The following PPP2R2C variants were observed in gnomAD, a reference collection of about 807,000 sequenced individuals.
PPP2R2C encodes the protein protein phosphatase 2, regulatory subunit B, gamma.
A neutral mutation model predicts 45.3 loss-of-function variants in PPP2R2C; 10 were observed. That is an observed-to-expected ratio of 0.22 (90% confidence interval 0.14 to 0.37). PPP2R2C has a LOEUF of 0.37. Ranked by LOEUF, PPP2R2C falls within the 10% of genes least tolerant of loss-of-function variation. The pLI, the probability that PPP2R2C is intolerant of heterozygous loss-of-function variation, is 1.00. For synonymous variants in PPP2R2C, 257 were observed against 245.4 expected (o/e 1.05, Z -0.44); for missense variants, 308 against 619.7 (o/e 0.50, Z 5.34).
Position 6,345,853 on chromosome 4 carries a change from G to A in PPP2R2C, c.790+1993C>T, listed in dbSNP as rs1007564620. On this transcript the variant is annotated intron_variant, in intron 6 of 8. Coordinates refer to ENST00000382599, the MANE Select transcript of PPP2R2C (RefSeq NM_020416.4). This position sits in a 1 kb window ranked among gnomAD's most constrained non-coding sequence, Gnocchi z 5.3. ...TCAGCTGGTCTCCAGCCTCCCATCAGTCCACGGCCACTAACTCCACACTTA... is the reference window on the plus strand; with the variant it reads ...TCAGCTGGTCTCCAGCCTCCCATCAATCCACGGCCACTAACTCCACACTTA... Among the ~76,000 whole-genome samples, 2 of 152,142 alleles carry A rather than the reference G, an allele frequency of 1.3e-5. No homozygotes were observed. Among genetic ancestry groups the A allele is most frequent in the Admixed American group, 1.3e-4 (2 of 15,280 alleles).
intron 1 of PPP2R2C, among the ~76,000 whole-genome samples, chr4:6,395,846 G>A (rs1047842423): frequency 5.9e-5 from 9 of 152,170 alleles, no homozygotes; most frequent in African/African-American, 2.2e-4. Context: ...CCCCCCAGCT[G>A]CAGGCCTTGT....
intron 1 of PPP2R2C, among the ~76,000 whole-genome samples, chr4:6,469,972 G>A (rs953913256): frequency 1.3e-5 from 2 of 152,258 alleles, no homozygotes; most frequent in Non-Finnish European, 2.9e-5. Context: ...TTCATCTCAA[G>A]GTGGGGATAA....
intron 1 of PPP2R2C, among the ~76,000 whole-genome samples, chr4:6,426,214 C>T (rs1719324176): frequency 6.6e-6 from 1 of 152,240 alleles, no homozygotes; most frequent in Non-Finnish European, 1.5e-5. Flanking sequence ...CCACAGCCTG[C>T]CTCCATCCTC....
chr4:6,526,594 T>G (rs921212668), intron 2 of PPP2R2C, among the ~76,000 whole-genome samples: 2 of 152,222 alleles, frequency 1.3e-5, no homozygotes, highest in Non-Finnish European at 2.9e-5. Context: ...GAGGGCACCC[T>G]GAGCGCAGTG....
At chr4:6,443,443 CT>C (rs1720257403) in intron 1 of PPP2R2C, among the ~76,000 whole-genome samples, 1 of 152,222 alleles carries the variant, frequency 6.6e-6, no homozygotes, top group South Asian at 2.1e-4. Context: ...GCAGAGGGAC[CT>C]GGGTGTCCTC....
At chr4:6,493,426 G>A (rs1437922196) in intron 2 of PPP2R2C, among the ~76,000 whole-genome samples, 1 of 151,664 alleles carries the variant, frequency 6.6e-6, no homozygotes, top group Non-Finnish European at 1.5e-5. Context: ...TCCCAAGCAG[G>A]CCACACAGGA....
At chr4:6,388,463 T>C (rs1716381338) in intron 1 of PPP2R2C, among the ~76,000 whole-genome samples, 1 of 152,154 alleles carries the variant, frequency 6.6e-6, no homozygotes, top group South Asian at 2.1e-4. Flanking sequence ...GATGATCAAG[T>C]TAAGGTGCGG....
At chr4:6,354,221 C>T (rs1712924520) in intron 5 of PPP2R2C, among the ~76,000 whole-genome samples, 1 of 151,698 alleles carries the variant, frequency 6.6e-6, no homozygotes, top group Non-Finnish European at 1.5e-5. Context: ...GCGTGTTGGC[C>T]TCTCCCACCC....
chr4:6,392,785 T>C (rs1716744598), intron 1 of PPP2R2C, among the ~76,000 whole-genome samples: 1 of 152,204 alleles, frequency 6.6e-6, no homozygotes, highest in Admixed American at 6.5e-5. Flanking sequence ...CCTTCTGTCT[T>C]TCTAGCATGG....
intron 6 of PPP2R2C, among the ~76,000 whole-genome samples, chr4:6,334,928 C>G (rs1732726441): frequency 6.6e-6 from 1 of 152,308 alleles, no homozygotes; most frequent in East Asian, 1.9e-4. Flanking sequence ...TCTGTCCCAG[C>G]CCCTTATCCC....
chr4:6,546,308 G>A (rs1724981764), intron 1 of PPP2R2C, among the ~76,000 whole-genome samples: 1 of 152,150 alleles, frequency 6.6e-6, no homozygotes. Context: ...CACCTGGGAG[G>A]GGGTGCACTG....
At chr4:6,386,212 T>C (rs980376776) in intron 1 of PPP2R2C, among the ~76,000 whole-genome samples, 2 of 152,182 alleles carry the variant, frequency 1.3e-5, no homozygotes, top group Admixed American at 1.3e-4. Flanking sequence ...ACAGCCGGCG[T>C]TGGCTTTCCT....
In PPP2R2C at chr4:6,531,427, C is replaced by T. The variant is rs144047454; in HGVS notation, c.49+3844G>A. ...CAAGTGTGCCCAAACCAAAAGGAAG[C>T]GCGTCCAGGAGAGGGCAGCTACAAC... On this transcript the variant is annotated intron_variant, in intron 2 of 9. Transcript: ENST00000506140. Among the ~76,000 whole-genome samples, 452 of 152,258 alleles carry T rather than the reference C, an allele frequency of 3.0e-3. 4 individuals are homozygous for T. Among genetic ancestry groups the T allele is most frequent in the Middle Eastern group, 0.017 (5 of 294 alleles).
intron 1 of PPP2R2C, among the ~76,000 whole-genome samples, chr4:6,552,859 C>T (rs966803887): frequency 1.3e-5 from 2 of 152,154 alleles, no homozygotes; most frequent in Non-Finnish European, 2.9e-5. Flanking sequence ...GGGGCCATTG[C>T]CTGATGTCAT....
chr4:6,392,130 G>A (rs922357221), intron 1 of PPP2R2C, among the ~76,000 whole-genome samples: 1 of 152,228 alleles, frequency 6.6e-6, no homozygotes, highest in East Asian at 1.9e-4. Context: ...GGATGGTGGT[G>A]ACAGGTGCAC....
chr4:6,441,438 C>T (rs1218632889), intron 1 of PPP2R2C, among the ~76,000 whole-genome samples: 3 of 152,168 alleles, frequency 2.0e-5, no homozygotes, highest in Non-Finnish European at 2.9e-5. Flanking sequence ...CCATCACCTG[C>T]AGCCTCCCTG....
intron 1 of PPP2R2C, among the ~76,000 whole-genome samples, chr4:6,403,435 C>A (rs1717572567): frequency 6.6e-6 from 1 of 152,134 alleles, no homozygotes; most frequent in Non-Finnish European, 1.5e-5. Context: ...CACTTCAATC[C>A]CAGCTCTGTT....
At chr4:6,506,894 G>A (rs1723254320) in intron 2 of PPP2R2C, among the ~76,000 whole-genome samples, 1 of 152,144 alleles carries the variant, frequency 6.6e-6, no homozygotes, top group South Asian at 2.1e-4. Context: ...CTCCCATGTG[G>A]GTTGCCATTC....
At chr4:6,357,279 G>A (rs964397039) in intron 5 of PPP2R2C, among the ~76,000 whole-genome samples, 9 of 152,258 alleles carry the variant, frequency 5.9e-5, no homozygotes, top group Non-Finnish European at 1.0e-4. Flanking sequence ...GTCCCTGGAG[G>A]GGCCCGGGGA....
Sources: gnomAD v4.1 joint callset for allele counts (sites outside exome capture counted in the v4.1 genomes callset) on GRCh38, gnomAD v4.1.1 for gene constraint, Gnocchi (gnomAD v3.1) non-coding constraint, MANE v1.5 for transcripts, NCBI Gene and HGNC (gene_info 2026-07-23, HGNC 2026-07-21) for gene names.